CPEB2: variants seen among roughly 807,000 people sequenced by gnomAD.
The protein encoded by CPEB2 is cytoplasmic polyadenylation element binding protein 2, also known as cytoplasmic polyadenylation element-binding protein 2.
Under a neutral mutation model 93.6 loss-of-function variants are expected in CPEB2, and 56 were observed. That is an observed-to-expected ratio of 0.60 (90% CI 0.48 to 0.75). The LOEUF (loss-of-function observed/expected upper bound fraction) is 0.75. Ranked by LOEUF, CPEB2 falls within the 30% of genes least tolerant of loss-of-function variation. The probability of loss-of-function intolerance (pLI) is 0.00; values close to 1 mark genes in which losing one functional copy is unlikely to be tolerated. For synonymous variants in CPEB2, 764 were observed against 586.3 expected (o/e 1.30, Z -4.38); for missense variants, 1,579 against 1,395.1 (o/e 1.13, Z -2.10).
At chr4:15,057,713 A>T (rs1032662462) in intron 8 of CPEB2, among the ~76,000 whole-genome samples, 34 of 152,350 alleles carry the variant, frequency 2.2e-4, no homozygotes, top group African/African-American at 7.9e-4. Flanking sequence ...GTCTCCAGAC[A>T]GTTTGAAAAA....
chr4:15,002,792 C>T lies in CPEB2; in HGVS notation c.119C>T (p.Pro40Leu), dbSNP rs1012602714. The T allele has an allele frequency of 6.5e-6, 10 of 1,535,426 alleles. No individual in the cohort carries two copies. The African/African-American group carries it at 1.1e-4, about 17-fold the overall frequency. Residue 40 changes from proline to leucine, a missense_variant, in exon 1 of 12, where the codon CCC becomes CTC. Coordinates refer to ENST00000538197, the MANE Select transcript of CPEB2 (RefSeq NM_001177382.2). Reference sequence around the variant, plus strand: ...GCCGTGGGGTCCGTCAACCCGCTGCCCTCCGCCACGCCCTTCGGCCCACTG... The same window carrying T: ...GCCGTGGGGTCCGTCAACCCGCTGCTCTCCGCCACGCCCTTCGGCCCACTG... ...PYAVGSVNPLPSATPFGPLSP... is the reference protein window; with the variant it reads ...PYAVGSVNPLLSATPFGPLSP...
At chr4:15,007,132 A>C (rs1462773254) in intron 1 of CPEB2, among the ~76,000 whole-genome samples, 173 bp from the exon 2 acceptor site, 1 of 152,248 alleles carries the variant, frequency 6.6e-6, no homozygotes, top group Non-Finnish European at 1.5e-5. Context: ...CCAGCATCAA[A>C]TATGATTTCA....
chr4:15,062,382 A>C, intron 11 of CPEB2, 122 bp downstream of exon 11: 1 of 591,642 alleles, frequency 1.7e-6, no homozygotes, highest in Non-Finnish European at 2.7e-6. Context: ...GTAAGTCTTA[A>C]AGGATATTAT....
intron 8 of CPEB2, among the ~76,000 whole-genome samples, chr4:15,057,342 A>G (rs1032612080): frequency 6.6e-6 from 1 of 152,146 alleles, no homozygotes; most frequent in South Asian, 2.1e-4. Context: ...AAAATGAAGT[A>G]CTTTAGTGTC....
chr4:15,019,540 C>T (rs961351009), intron 4 of CPEB2, among the ~76,000 whole-genome samples: 1 of 151,904 alleles, frequency 6.6e-6, no homozygotes, highest in African/African-American at 2.4e-5. Context: ...GGCAGTATTT[C>T]GCCCTCTGTC....
At chr4:15,050,469 A>G (rs1477317553) in intron 6 of CPEB2, among the ~76,000 whole-genome samples, 1 of 151,998 alleles carries the variant, frequency 6.6e-6, no homozygotes, top group Non-Finnish European at 1.5e-5. Context: ...AAGAAAAACA[A>G]CTTGTCCATA....
rs75008787 is a variant in CPEB2 at position 15,042,371 on chromosome 4, G to A, written c.2200+1884G>A. ...AAATTTTTTTCCCTGCTTTTATATA[G>A]GAACCAGCTATCATTCCTATATATC... On this transcript the variant is annotated intron_variant, in intron 6 of 11. Transcript: ENST00000538197. Among the ~76,000 whole-genome samples, 113 of 152,142 alleles carry A rather than the reference G, an allele frequency of 7.4e-4. 3 individuals carry two copies. The East Asian group carries it at 0.019, about 26-fold the overall frequency.
intron 4 of CPEB2, chr4:15,017,533 G>A (rs558566363): frequency 7.2e-6 from 2 of 276,552 alleles, no homozygotes; most frequent in East Asian, 6.7e-5. Context: ...ACCAGAGAAT[G>A]AAGGATGGAT....
At position 15,003,818 on chromosome 4, in the gene CPEB2, C is replaced by T; in HGVS notation, c.1145C>T (p.Pro382Leu). The change falls in exon 1 of 12, where the codon CCC (proline) becomes CTC (leucine). Residue 382 changes from proline to leucine, a missense_variant. Pro to Leu is a moderately conservative substitution (Grantham distance 98, BLOSUM62 -3). This residue lies in a region of CPEB2 where 1,411 missense variants were observed against 1,056.0 expected (regional missense o/e 1.34). Coordinates refer to ENST00000538197, the MANE Select transcript of CPEB2 (RefSeq NM_001177382.2). Reference protein sequence around the residue: ...SPPPLPGFGTPWSVQTASPPP... With the variant: ...SPPPLPGFGTLWSVQTASPPP... The stretch of plus-strand genomic sequence containing the variant: ...CCGCCGCTGCCCGGCTTCGGCACCC[C>T]CTGGTCGGTGCAGACCGCGTCGCCG... The T allele has an allele frequency of 1.0e-6, 1 of 990,522 alleles. No homozygotes were observed. The highest frequency in any genetic ancestry group is 1.3e-6 in the Non-Finnish European group (1 of 772,556). The allele number at this position is 990,522 out of a possible 1,614,324, so 61.4% of individuals were successfully genotyped here.
intron 6 of CPEB2, among the ~76,000 whole-genome samples, chr4:15,044,387 T>G (rs1253899646): frequency 6.6e-6 from 1 of 152,152 alleles, no homozygotes; most frequent in African/African-American, 2.4e-5. Context: ...TTTCCTAACC[T>G]TTAAGAGACT....
chr4:15,007,688 A>G, intron 2 of CPEB2, 102 bp downstream of exon 2: 1 of 670,410 alleles, frequency 1.5e-6, no homozygotes. Context: ...ATTTTTTGAA[A>G]TAAAGTTTTA....
intron 1 of CPEB2, among the ~76,000 whole-genome samples, chr4:15,005,913 A>G (rs1200322787): frequency 6.6e-6 from 1 of 152,222 alleles, no homozygotes; most frequent in Non-Finnish European, 1.5e-5. Flanking sequence ...TGCCCACAGA[A>G]AATTATCTGT....
rs1727056671 is a variant in CPEB2 at position 15,040,472 on chromosome 4, T to A, written c.2185T>A (p.Tyr729Asn). 6.5e-7 allele frequency: 1 copy of A among 1,536,514 alleles called. No homozygotes were observed. The highest frequency in any genetic ancestry group is 1.4e-5 in the African/African-American group (1 of 73,118). Reference sequence around the variant, plus strand: ...GCTTTGTTTACATGCAGCAAGGAGTTATGGGCGAAGACGAGGTAATTCATT... The same window carrying A: ...GCTTTGTTTACATGCAGCAAGGAGTAATGGGCGAAGACGAGGTAATTCATT... ...DNLLMLNARSYGRRRGRSSLF... is the reference protein window; with the variant it reads ...DNLLMLNARSNGRRRGRSSLF... Residue 729 changes from tyrosine (Y) to asparagine (N), a missense_variant, in exon 6 of 12, where the codon TAT becomes AAT. Transcript: ENST00000538197.
chr4:15,003,315 AGCCG>A lies in CPEB2; in HGVS notation c.646_649del (p.Gly216ArgfsTer91). On this transcript the variant is annotated frameshift_variant, in exon 1 of 12. Transcript: ENST00000538197. LOFTEE classifies it high-confidence loss of function. ...GTCGGTTCAGCCCGCCGCCGCCGCC[AGCCG>A]GCCCGCTCCTCCAGCCGGCGCAGCT... 7.1e-7 allele frequency: 1 copy of A among 1,412,162 alleles called. No individual in the cohort carries two copies. Among genetic ancestry groups the A allele is most frequent in the Non-Finnish European group, 9.1e-7 (1 of 1,099,808 alleles). 87.5% of individuals were successfully genotyped at this position (1,412,162 alleles called of 1,614,324 possible). A position where few individuals can be genotyped will look rare whatever the true frequency, so the allele number is the denominator to read the frequency against.
At chr4:15,043,972 C>A (rs1577436804) in intron 6 of CPEB2, among the ~76,000 whole-genome samples, 1 of 152,018 alleles carries the variant, frequency 6.6e-6, no homozygotes, top group Non-Finnish European at 1.5e-5. Flanking sequence ...TGAAGTTGAT[C>A]CAGGATTTTC....
At chr4:15,017,430 A>G (rs1269732847) in intron 4 of CPEB2, 152 bp downstream of exon 4, 1 of 466,160 alleles carries the variant, frequency 2.1e-6, no homozygotes, top group East Asian at 3.3e-5. Flanking sequence ...TTTTTATGAA[A>G]TGCCATATTT....
rs1258475455 is a variant in CPEB2 at position 15,069,150 on chromosome 4, T to A, written c.*2770T>A. 1 of 152,270 alleles carries A rather than the reference T, an allele frequency of 6.6e-6. No individual in the cohort carries two copies. The highest frequency in any genetic ancestry group is 1.5e-5 in the Non-Finnish European group (1 of 67,836). The allele number at this position is 152,270 out of a possible 1,614,324, so 9.4% of individuals were successfully genotyped here. On this transcript the variant is annotated 3_prime_UTR_variant, in exon 12 of 12. Transcript: ENST00000538197. The stretch of plus-strand genomic sequence containing the variant: ...AAAAAAATACTTTAAAAATCCACAC[T>A]TTTTGTTAAGAAGGAAACATTTAGC...
chr4:15,046,517 C>T (rs996352919), intron 6 of CPEB2, among the ~76,000 whole-genome samples: 3 of 152,162 alleles, frequency 2.0e-5, no homozygotes, highest in Non-Finnish European at 2.9e-5. Context: ...TGAGCCATCG[C>T]GCCTGGCCAA....
chr4:15,025,336 TTA>T (rs1489269072), intron 4 of CPEB2, among the ~76,000 whole-genome samples: 3 of 152,148 alleles, frequency 2.0e-5, no homozygotes, highest in African/African-American at 4.8e-5. Flanking sequence ...TCCCAGTTCC[TTA>T]TATTGTCTGT....
Sources: allele counts gnomAD v4.1 joint callset (sites outside exome capture counted in the v4.1 genomes callset), GRCh38; gene constraint gnomAD v4.1.1; regional missense constraint gnomAD v4.1.1; transcripts MANE v1.5; gene names NCBI Gene and HGNC (gene_info 2026-07-23, HGNC 2026-07-21).